APLF: variants seen among roughly 807,000 people sequenced by gnomAD.
The protein encoded by APLF is aprataxin and PNK-like factor.
A neutral mutation model predicts 55.6 loss-of-function variants in APLF; 61 were observed. That is an observed-to-expected ratio of 1.10 (90% CI 0.89 to 1.36). The LOEUF is 1.36. Ranked by LOEUF, APLF falls within the 40% of genes most tolerant of loss-of-function variation. APLF has a pLI of 0.00. For synonymous variants in APLF, 207 were observed against 214.8 expected (o/e 0.96, Z 0.32); for missense variants, 611 against 602.5 (o/e 1.01, Z -0.15).
At position 68,538,016 on chromosome 2, in the gene APLF, AAAG is replaced by A; in HGVS notation, c.954_956del (p.Glu318del). Reference sequence around the variant, plus strand: ...AATTGCCACTAAAAGAACACCACATAAAGAAGATGAGGCAATGAGCTGTTCTGA... The same window carrying A: ...AATTGCCACTAAAAGAACACCACATAAAGATGAGGCAATGAGCTGTTCTGA... On this transcript the variant is annotated inframe_deletion, in exon 7 of 10. Coordinates refer to ENST00000303795, the MANE Select transcript of APLF (RefSeq NM_173545.3). 1 of 1,614,120 alleles carries A rather than the reference AAAG, an allele frequency of 6.2e-7. No homozygotes were observed.
intron 8 of APLF, among the ~76,000 whole-genome samples, chr2:68,553,342 A>C (rs114467130): frequency 6.6e-6 from 1 of 152,116 alleles, no homozygotes; most frequent in Non-Finnish European, 1.5e-5. Flanking sequence ...TGAGCAAAAA[A>C]CATACTTAAT....
At chr2:68,557,041 A>G (rs1573260451) in intron 8 of APLF, among the ~76,000 whole-genome samples, 1 of 152,208 alleles carries the variant, frequency 6.6e-6, no homozygotes, top group East Asian at 1.9e-4. Flanking sequence ...AAGTGTTCCA[A>G]GTTGTTGTAA....
At chr2:68,574,262 G>A (rs151333528) in intron 9 of APLF, among the ~76,000 whole-genome samples, 1 of 152,104 alleles carries the variant, frequency 6.6e-6, no homozygotes, top group African/African-American at 2.4e-5. Context: ...AACACCTTCA[G>A]ACTCTACTAG....
At chr2:68,517,242 CATTACTATATAATATATTAATATATGT>C (rs1669625873) in intron 5 of APLF, among the ~76,000 whole-genome samples, 1 of 93,402 alleles carries the variant, frequency 1.1e-5, no homozygotes, top group East Asian at 2.4e-4. Flanking sequence ...TAATATATGT[CATTACTATATAATATATTAATATATGT>C]CATTACTATA....
intron 6 of APLF, among the ~76,000 whole-genome samples, chr2:68,526,618 AAAG>A (rs1452496656): frequency 2.0e-5 from 3 of 152,212 alleles, no homozygotes; most frequent in Non-Finnish European, 1.5e-5. Flanking sequence ...AGTCAAGGAA[AAAG>A]AAGAACTGAT....
At chr2:68,546,251 A>T (rs1425760936) in intron 8 of APLF, among the ~76,000 whole-genome samples, 2 of 152,102 alleles carry the variant, frequency 1.3e-5, no homozygotes, top group Non-Finnish European at 2.9e-5. Context: ...AATTGAGTTA[A>T]TATAAGAGAA....
In APLF at chr2:68,538,124, A is replaced by C; in HGVS notation, c.1057A>C (p.Asn353His). ...SHSESSSNPS[N>H]PETLHAKATD... ...TTCTGAGTCCAGCTCTAATCCCTCC[A>C]ATCCTGAAACTTTGCATGCAAAGGC... The change falls in exon 7 of 10, where the codon AAT (asparagine) becomes CAT (histidine). Residue 353 changes from asparagine to histidine, a missense_variant. Transcript: ENST00000303795. 1.2e-6 allele frequency: 2 copies of C among 1,614,128 alleles called. No individual in the cohort carries two copies. The highest frequency in any genetic ancestry group is 1.7e-6 in the Non-Finnish European group (2 of 1,180,002).
intron 5 of APLF, among the ~76,000 whole-genome samples, chr2:68,515,326 T>A (rs924034494): frequency 2.0e-5 from 3 of 151,740 alleles, no homozygotes; most frequent in Admixed American, 6.6e-5. Flanking sequence ...ATAACATCTG[T>A]GTATGTGTTG....
chr2:68,525,686 C>T (rs1670018851), intron 5 of APLF, among the ~76,000 whole-genome samples: 1 of 146,630 alleles, frequency 6.8e-6, no homozygotes, highest in African/African-American at 2.5e-5. Context: ...GTTAGCATTA[C>T]TATAAATGGA....
At chr2:68,533,927 C>A (rs1336289711) in intron 6 of APLF, among the ~76,000 whole-genome samples, 1 of 152,092 alleles carries the variant, frequency 6.6e-6, no homozygotes, top group African/African-American at 2.4e-5. Context: ...CAGAGGTAAT[C>A]CTGGCAGCTC....
intron 2 of APLF, among the ~76,000 whole-genome samples, chr2:68,495,395 G>A (rs1044176083): frequency 6.6e-6 from 1 of 152,174 alleles, no homozygotes; most frequent in Non-Finnish European, 1.5e-5. Context: ...AACCCATTAG[G>A]GCAGTCAGTA....
chr2:68,529,263 G>C lies in APLF; in HGVS notation c.804+3021G>C. 3.8e-6 allele frequency: 5 copies of C among 1,321,528 alleles called. No homozygotes were observed. The South Asian group carries it at 6.5e-5, about 17-fold the overall frequency. 81.9% of individuals were successfully genotyped at this position (1,321,528 alleles called of 1,614,324 possible). On this transcript the variant is annotated intron_variant, in intron 6 of 9. Transcript: ENST00000303795. This position sits in a 1 kb window ranked among gnomAD's most constrained non-coding sequence, Gnocchi z 4.4. Reference sequence around the variant, plus strand: ...ATAAGGGTGCCGTCCCACCTGCCTGGAAAAGAAGGCCCAAGATGTCGCTGA... The same window carrying C: ...ATAAGGGTGCCGTCCCACCTGCCTGCAAAAGAAGGCCCAAGATGTCGCTGA...
chr2:68,574,818 A>T (rs990498221), intron 9 of APLF, among the ~76,000 whole-genome samples: 1 of 152,208 alleles, frequency 6.6e-6, no homozygotes, highest in African/African-American at 2.4e-5. Flanking sequence ...TATGTAATTC[A>T]TTATATTGAC....
intron 2 of APLF, among the ~76,000 whole-genome samples, chr2:68,492,970 C>T (rs1026636814): frequency 6.6e-6 from 1 of 152,068 alleles, no homozygotes; most frequent in African/African-American, 2.4e-5. Flanking sequence ...CTTAGAATGT[C>T]ATAGCCTTCT....
At chr2:68,525,662 A>G (rs1297541164) in intron 5 of APLF, among the ~76,000 whole-genome samples, 1 of 151,668 alleles carries the variant, frequency 6.6e-6, no homozygotes, top group Non-Finnish European at 1.5e-5. Flanking sequence ...AGATTTGCAC[A>G]TAAGTGTTTC....
At chr2:68,562,417 A>G (rs1053447878) in intron 8 of APLF, among the ~76,000 whole-genome samples, 12 of 152,076 alleles carry the variant, frequency 7.9e-5, no homozygotes, top group African/African-American at 2.9e-4. Context: ...GTGCTATGAA[A>G]GATATTAAAA....
intron 1 of APLF, among the ~76,000 whole-genome samples, chr2:68,469,736 C>A (rs1278046952): frequency 6.6e-6 from 1 of 152,136 alleles, no homozygotes; most frequent in East Asian, 1.9e-4. Flanking sequence ...ACAGCAATTC[C>A]AGTGAGATTT....
intron 1 of APLF, among the ~76,000 whole-genome samples, chr2:68,489,346 G>C (rs555415066): frequency 6.6e-6 from 1 of 152,332 alleles, no homozygotes; most frequent in East Asian, 1.9e-4. Flanking sequence ...AGGTTACCAA[G>C]AGATGGGTCA....
At chr2:68,551,381 C>G (rs972077743) in intron 8 of APLF, among the ~76,000 whole-genome samples, 2 of 151,866 alleles carry the variant, frequency 1.3e-5, no homozygotes, top group African/African-American at 4.8e-5. Flanking sequence ...CAAGTTAATG[C>G]CTTTTATTAG....
Sources: gnomAD v4.1 joint callset for allele counts (sites outside exome capture counted in the v4.1 genomes callset) on GRCh38, gnomAD v4.1.1 for gene constraint, Gnocchi (gnomAD v3.1) non-coding constraint, MANE v1.5 for transcripts, NCBI Gene and HGNC (gene_info 2026-07-23, HGNC 2026-07-21) for gene names.